TTC13: variants seen among roughly 807,000 people sequenced by gnomAD.
The protein encoded by TTC13 is tetratricopeptide repeat protein 13.
TTC13 carries 62 observed loss-of-function variants against 120.0 expected under a neutral mutation model. The observed-to-expected ratio is 0.52, with a 90% CI of 0.42 to 0.64. The LOEUF is 0.64. TTC13 is among the 30% of genes least tolerant of loss of function. The pLI, the probability that TTC13 is intolerant of heterozygous loss-of-function variation, is 0.00. For missense variants in TTC13, 824 were observed against 1,050.2 expected, an observed-to-expected ratio of 0.78 and a Z score of 2.98; for synonymous variants, 384 against 393.5, an observed-to-expected ratio of 0.98 and a Z score of 0.28.
intron 1 of TTC13, among the ~76,000 whole-genome samples, chr1:230,974,566 G>A (rs996020469): frequency 2.0e-5 from 3 of 152,194 alleles, no homozygotes; most frequent in African/African-American, 7.2e-5. Context: ...ACCAAGGTGT[G>A]TAATGGGCTA....
At chr1:230,959,804 T>TCACTAGTAGACTAATTTCAATC (rs1676456975) in intron 2 of TTC13, among the ~76,000 whole-genome samples, 1 of 152,268 alleles carries the variant, frequency 6.6e-6, no homozygotes, top group Admixed American at 6.5e-5. Context: ...CAGCTCAACA[T>TCACTAGTAGACTAATTTCAATC]CACTAGTAGA....
At chr1:230,925,880 A>T (rs1364504756) in intron 12 of TTC13, among the ~76,000 whole-genome samples, 2 of 152,170 alleles carry the variant, frequency 1.3e-5, no homozygotes, top group Non-Finnish European at 2.9e-5. Context: ...GAAAACTATG[A>T]TAACTAGTAT....
chr1:230,914,289 C>T (rs954687335), intron 18 of TTC13, among the ~76,000 whole-genome samples: 3 of 152,128 alleles, frequency 2.0e-5, no homozygotes, highest in Admixed American at 6.5e-5. Flanking sequence ...CCAACCCCTC[C>T]GTATCCTCCT....
intron 4 of TTC13, among the ~76,000 whole-genome samples, chr1:230,949,758 G>A (rs1040223705): frequency 1.6e-4 from 24 of 152,024 alleles, no homozygotes; most frequent in South Asian, 2.1e-4. Flanking sequence ...CCATTCTCCC[G>A]CCTCAGCCTC....
chr1:230,945,503 AC>A, intron 4 of TTC13, 49 bp from the exon 5 acceptor site: 1 of 1,562,884 alleles, frequency 6.4e-7, no homozygotes, highest in Non-Finnish European at 8.8e-7. Context: ...ACAAAACAAA[AC>A]AAAAAATCAG....
intron 17 of TTC13, among the ~76,000 whole-genome samples, chr1:230,918,249 A>G (rs1572186465): frequency 6.6e-6 from 1 of 152,364 alleles, no homozygotes; most frequent in East Asian, 1.9e-4. Context: ...TCTACTATAT[A>G]TAGCTTGGAG....
intron 4 of TTC13, among the ~76,000 whole-genome samples, chr1:230,952,884 A>G (rs1005968749): frequency 6.6e-6 from 1 of 152,206 alleles, no homozygotes; most frequent in Non-Finnish European, 1.5e-5. Context: ...TATTATTTAA[A>G]ATATTTTCTT....
intron 12 of TTC13, 111 bp from the exon 13 acceptor site, chr1:230,925,758 A>G: frequency 8.3e-7 from 1 of 1,206,498 alleles, no homozygotes; most frequent in Non-Finnish European, 1.2e-6. Context: ...GAAGCAGTCT[A>G]CGACCACATA....
intron 3 of TTC13, 63 bp downstream of exon 3, chr1:230,958,161 C>G: frequency 6.5e-7 from 1 of 1,545,098 alleles, no homozygotes; most frequent in Non-Finnish European, 8.9e-7. Flanking sequence ...TGTCTTCCTG[C>G]TATGCATCTA....
intron 1 of TTC13, among the ~76,000 whole-genome samples, chr1:230,974,258 G>A (rs766665034): frequency 3.4e-4 from 52 of 151,920 alleles, no homozygotes; most frequent in Non-Finnish European, 4.9e-4. Flanking sequence ...AAGCCATCCC[G>A]GGGCACCTCT....
At chr1:230,958,325 T>C (rs1173849133) in intron 2 of TTC13, 26 bp from the exon 3 acceptor site, 8 of 1,441,328 alleles carry the variant, frequency 5.6e-6, no homozygotes, top group Non-Finnish European at 6.7e-6. Flanking sequence ...AAAAAACCCA[T>C]ACATTTTAGC....
chr1:230,949,918 G>C (rs1320276894), intron 4 of TTC13, among the ~76,000 whole-genome samples: 1 of 152,070 alleles, frequency 6.6e-6, no homozygotes, highest in Admixed American at 6.6e-5. Context: ...CAAAGTGCTG[G>C]GATTACAGGC....
chr1:230,970,927 G>A (rs11122171), intron 1 of TTC13, among the ~76,000 whole-genome samples: 81 of 152,264 alleles, frequency 5.3e-4, no homozygotes, highest in African/African-American at 1.9e-3. Flanking sequence ...CTAACCCCAG[G>A]TATAGGGTAA....
At chr1:230,916,820 G>T (rs1190806134) in intron 17 of TTC13, among the ~76,000 whole-genome samples, 1 of 152,120 alleles carries the variant, frequency 6.6e-6, no homozygotes, top group African/African-American at 2.4e-5. Flanking sequence ...CAGATAAGTC[G>T]GTTAAGTTAA....
intron 10 of TTC13, 67 bp from the exon 11 acceptor site, chr1:230,931,539 C>T (rs1428971467): frequency 4.5e-6 from 7 of 1,565,950 alleles, no homozygotes; most frequent in Non-Finnish European, 6.1e-6. Flanking sequence ...TTATTCTTTA[C>T]TCTGGAATTA....
chr1:230,955,432 G>A (rs1051359364), intron 3 of TTC13, among the ~76,000 whole-genome samples: 2 of 148,510 alleles, frequency 1.3e-5, no homozygotes, highest in South Asian at 4.4e-4. Flanking sequence ...GGGAGGCTGA[G>A]GCAGGCAGAT....
chr1:230,925,382 C>T, intron 13 of TTC13, 135 bp downstream of exon 13: 1 of 1,059,328 alleles, frequency 9.4e-7, no homozygotes, highest in Non-Finnish European at 1.3e-6. Context: ...AATGATTCTA[C>T]ACATTTCTAT....
Position 230,925,546 on chromosome 1 carries a change from C to A in TTC13, c.1559G>T (p.Gly520Val). The change falls in exon 13 of 23, where the codon GGT (glycine) becomes GTT (valine). Residue 520 changes from glycine to valine, a missense_variant. Transcript: ENST00000366661. Reference protein sequence around the residue: ...LGSLMQYETPGFLPNKRIHRA... With the variant: ...LGSLMQYETPVFLPNKRIHRA... Reference sequence around the variant, plus strand: ...GTGTATTCTCTTGTTTGGCAGGAAACCAGGTGTTTCATATTGCATCAGGGA... The same window carrying A: ...GTGTATTCTCTTGTTTGGCAGGAAAACAGGTGTTTCATATTGCATCAGGGA... 6.2e-7 allele frequency: 1 copy of A among 1,614,058 alleles called. No homozygotes were observed. Among genetic ancestry groups the A allele is most frequent in the Non-Finnish European group, 8.5e-7 (1 of 1,179,982 alleles).
In TTC13 at chr1:230,942,244, A is replaced by T. The variant is rs1674591746; in HGVS notation, c.672+1562T>A. ...AAACCAGAGTAATATAGGGGAAAAA[A>T]CATCAGTCCCCCCTACCAGAAGCAG... On this transcript the variant is annotated intron_variant, in intron 6 of 22. Transcript: ENST00000366661. The surrounding 1 kb of genome is among the most constrained non-coding windows in gnomAD (Gnocchi z 4.0). Among the ~76,000 whole-genome samples the T allele has an allele frequency of 6.6e-6, 1 of 152,166 alleles. No individual in the cohort carries two copies. The highest frequency in any genetic ancestry group is 6.5e-5 in the Admixed American group (1 of 15,274).
Sources: allele counts gnomAD v4.1 joint callset (sites outside exome capture counted in the v4.1 genomes callset), GRCh38; gene constraint gnomAD v4.1.1; non-coding constraint Gnocchi (gnomAD v3.1); transcripts MANE v1.5; gene names NCBI Gene and HGNC (gene_info 2026-07-23, HGNC 2026-07-21).